Variants in KLHL29 observed in about 807,000 individuals in gnomAD.
KLHL29 encodes the protein kelch like family member 29, also known as kelch-like protein 29.
KLHL29 carries 21 observed loss-of-function variants against 80.4 expected under a neutral mutation model. The ratio of observed to expected loss-of-function variants is 0.26; its 90% CI spans 0.19 to 0.38. The LOEUF (loss-of-function observed/expected upper bound fraction) is 0.38, where lower values mean the gene tolerates loss of function less well. Ranked by LOEUF, KLHL29 falls within the 10% of genes least tolerant of loss-of-function variation. KLHL29 has a pLI of 1.00. For synonymous variants in KLHL29, 511 were observed against 526.8 expected, an observed-to-expected ratio of 0.97 and a Z score of 0.41; for missense variants, 867 against 1,223.9, an observed-to-expected ratio of 0.71 and a Z score of 4.35.
chr2:23,572,850 G>A lies in KLHL29; in HGVS notation c.285+10369G>A, dbSNP rs373708959. On this transcript the variant is annotated intron_variant, in intron 3 of 13. Coordinates refer to ENST00000486442, the MANE Select transcript of KLHL29 (RefSeq NM_052920.2). ...TGAGTAGCTGGGACTACAGGCACCC[G>A]CCTCCGCGCCTGGCTAATTTTTTAT... 3.3e-5 allele frequency among the ~76,000 whole-genome samples: 5 copies of A among 152,156 alleles called. No homozygotes were observed. The East Asian group carries it at 5.8e-4, about 18-fold the overall frequency.
intron 3 of KLHL29, among the ~76,000 whole-genome samples, chr2:23,575,243 G>C (rs990523911): frequency 1.3e-5 from 2 of 152,244 alleles, no homozygotes; most frequent in Admixed American, 1.3e-4. Context: ...TAGCACCCCA[G>C]AGAGCGGAGC....
chr2:23,660,949 T>C (rs190948772), intron 5 of KLHL29, among the ~76,000 whole-genome samples: 7 of 152,192 alleles, frequency 4.6e-5, no homozygotes, highest in African/African-American at 1.7e-4. Context: ...GAGAATCACT[T>C]GAACCCGGGA....
chr2:23,530,979 G>A (rs1250083060), intron 2 of KLHL29, among the ~76,000 whole-genome samples: 2 of 152,244 alleles, frequency 1.3e-5, no homozygotes, highest in African/African-American at 4.8e-5. Context: ...TGAAAAGTAG[G>A]GTGGGGTGTT....
At position 23,681,485 on chromosome 2, in the gene KLHL29, T is replaced by G. The variant is rs921646165; in HGVS notation, c.941-2914T>G. Among the ~76,000 whole-genome samples, 4 of 152,104 alleles carry G rather than the reference T, an allele frequency of 2.6e-5. No homozygotes were observed. Among genetic ancestry groups the G allele is most frequent in the African/African-American group, 9.7e-5 (4 of 41,422 alleles). On this transcript the variant is annotated intron_variant, in intron 5 of 13. Transcript: ENST00000486442. This position sits in a 1 kb window ranked among gnomAD's most constrained non-coding sequence, Gnocchi z 4.2. The stretch of plus-strand genomic sequence containing the variant: ...TTGAAAGGAAGGTCTTCAGAAACCC[T>G]CAGGATGCCTCGGGCCCAGAAAGAG...
At chr2:23,496,415 C>T (rs1389223992) in intron 2 of KLHL29, among the ~76,000 whole-genome samples, 4 of 152,198 alleles carry the variant, frequency 2.6e-5, no homozygotes, top group African/African-American at 7.2e-5. Flanking sequence ...TTTCCTGCTC[C>T]ATTCATTCCA....
intron 1 of KLHL29, among the ~76,000 whole-genome samples, chr2:23,430,375 T>C (rs573183692): frequency 7.2e-5 from 11 of 152,362 alleles, no homozygotes; most frequent in Admixed American, 7.2e-4. Context: ...AGAATTCCAC[T>C]GTGTTACTAT....
chr2:23,705,307 A>G (rs767737083), intron 13 of KLHL29, among the ~76,000 whole-genome samples: 1 of 152,190 alleles, frequency 6.6e-6, no homozygotes, highest in African/African-American at 2.4e-5. Context: ...CCTGACCAAC[A>G]TGGTGAAACC....
At chr2:23,675,726 G>A (rs879557933) in intron 5 of KLHL29, among the ~76,000 whole-genome samples, 3 of 152,200 alleles carry the variant, frequency 2.0e-5, no homozygotes, top group Non-Finnish European at 2.9e-5. Context: ...AATAATTAAT[G>A]TGCCAATGCT....
rs764790108 is a variant in KLHL29 at position 23,469,317 on chromosome 2, C to T, written c.-153-6243C>T. On this transcript the variant is annotated intron_variant, in intron 1 of 13. Transcript: ENST00000486442. Reference sequence around the variant, plus strand: ...AGGCTACTGTGTGTTGCTCAACACCCGCACCCACCGCAGTCCAACTTGAGA... The same window carrying T: ...AGGCTACTGTGTGTTGCTCAACACCTGCACCCACCGCAGTCCAACTTGAGA... 3.3e-5 allele frequency among the ~76,000 whole-genome samples: 5 copies of T among 152,248 alleles called. No individual in the cohort carries two copies. The East Asian group carries it at 7.7e-4, about 24-fold the overall frequency.
intron 5 of KLHL29, 131 bp downstream of exon 5, chr2:23,642,981 A>G (rs1159534851): frequency 1.8e-6 from 2 of 1,083,002 alleles, no homozygotes; most frequent in Admixed American, 2.0e-5. Flanking sequence ...CAGAGGCTGC[A>G]GTGGAGCCTC....
At chr2:23,527,062 G>T (rs1233117590) in intron 2 of KLHL29, among the ~76,000 whole-genome samples, 4 of 152,164 alleles carry the variant, frequency 2.6e-5, no homozygotes. Context: ...AAGCTAGGAT[G>T]GGGAGTGGGG....
At chr2:23,565,645 G>A (rs1667572271) in intron 3 of KLHL29, among the ~76,000 whole-genome samples, 1 of 152,098 alleles carries the variant, frequency 6.6e-6, no homozygotes, top group Non-Finnish European at 1.5e-5. Flanking sequence ...TGTGGAAACA[G>A]CTGAAACTGC....
At chr2:23,610,166 G>A (rs1668823508) in intron 3 of KLHL29, among the ~76,000 whole-genome samples, 1 of 152,184 alleles carries the variant, frequency 6.6e-6, no homozygotes, top group African/African-American at 2.4e-5. Flanking sequence ...CTGGATGCTA[G>A]TAGTCAGGGA....
intron 2 of KLHL29, among the ~76,000 whole-genome samples, chr2:23,521,092 A>G (rs934352928): frequency 2.7e-5 from 4 of 150,192 alleles, no homozygotes; most frequent in African/African-American, 9.9e-5. Flanking sequence ...TAGAATTAGG[A>G]GAGTCGATGG....
chr2:23,695,993 T>G lies in KLHL29; in HGVS notation c.1784T>G (p.Val595Gly), dbSNP rs1572518795. The G allele has an allele frequency of 2.6e-6, 4 of 1,551,504 alleles. No individual in the cohort carries two copies. Among genetic ancestry groups the G allele is most frequent in the Non-Finnish European group, 8.7e-7 (1 of 1,146,956 alleles). The part of the protein sequence containing the change: ...VIVLVGGRQM[V>G]GMTQRSLVAV... ...GTCTTGGTTGGGGGCCGTCAGATGG[T>G]GGGGATGACCCAGCGCTCGCTGGTG... The change falls in exon 10 of 14, where the codon GTG becomes GGG. Residue 595 changes from valine to glycine, a missense_variant. This residue lies in a region of KLHL29 where 443 missense variants were observed against 767.0 expected (regional missense o/e 0.58). Transcript: ENST00000486442. This position sits in a 1 kb window ranked among gnomAD's most constrained non-coding sequence, Gnocchi z 7.6.
intron 1 of KLHL29, among the ~76,000 whole-genome samples, chr2:23,426,697 A>G (rs1336545944): frequency 6.6e-6 from 1 of 152,236 alleles, no homozygotes; most frequent in African/African-American, 2.4e-5. Context: ...CATGGAAAGT[A>G]TGGCCCGAGA....
At chr2:23,631,904 CCT>C (rs1476589644) in intron 3 of KLHL29, among the ~76,000 whole-genome samples, 1 of 152,172 alleles carries the variant, frequency 6.6e-6, no homozygotes, top group African/African-American at 2.4e-5. Flanking sequence ...AGCATCAACC[CCT>C]CAGTCCCCAC....
At chr2:23,658,174 T>C (rs965822725) in intron 5 of KLHL29, among the ~76,000 whole-genome samples, 2 of 151,784 alleles carry the variant, frequency 1.3e-5, no homozygotes, top group African/African-American at 4.8e-5. Context: ...CTCACACCCT[T>C]CAAGGGTCCC....
At chr2:23,658,809 C>T (rs573585812) in intron 5 of KLHL29, among the ~76,000 whole-genome samples, 21 of 152,324 alleles carry the variant, frequency 1.4e-4, no homozygotes, top group African/African-American at 3.4e-4. Flanking sequence ...CACTGCCTTG[C>T]GCCGCTCAAA....
Sources: allele counts gnomAD v4.1 joint callset (sites outside exome capture counted in the v4.1 genomes callset), GRCh38; gene constraint gnomAD v4.1.1; regional missense constraint gnomAD v4.1.1; non-coding constraint Gnocchi (gnomAD v3.1); transcripts MANE v1.5; gene names NCBI Gene and HGNC (gene_info 2026-07-23, HGNC 2026-07-21).